The following PHF2 variants were observed in gnomAD, a reference collection of about 807,000 sequenced individuals.
The protein encoded by PHF2 is PHD finger protein 2, also known as lysine-specific demethylase PHF2.
In PHF2, 27 loss-of-function variants were observed where a neutral mutation model predicts 120.5. The observed-to-expected ratio is 0.22, with a 90% CI of 0.17 to 0.31. The LOEUF (loss-of-function observed/expected upper bound fraction) is 0.31. Among genes scored for constraint, PHF2 ranks in the 10% least tolerant of loss-of-function variants. The probability of loss-of-function intolerance (pLI) is 1.00; values close to 1 mark genes in which losing one functional copy is unlikely to be tolerated. For missense variants in PHF2, 1,024 were observed against 1,434.8 expected, an observed-to-expected ratio of 0.71 and a Z score of 4.63; for synonymous variants, 568 against 592.5, an observed-to-expected ratio of 0.96 and a Z score of 0.60.
intron 1 of PHF2, among the ~76,000 whole-genome samples, chr9:93,621,323 G>A (rs10821183): frequency 0.86 from 131,487 of 152,232 alleles, 57,137 homozygotes; most frequent in East Asian, 1. Flanking sequence ...TCTTTTGGGC[G>A]GCAGAAGGAC....
chr9:93,588,860 C>T (rs1863115913), intron 1 of PHF2, among the ~76,000 whole-genome samples: 1 of 152,182 alleles, frequency 6.6e-6, no homozygotes, highest in South Asian at 2.1e-4. Flanking sequence ...CACTGCACTC[C>T]AGCCTGGGCA....
intron 1 of PHF2, among the ~76,000 whole-genome samples, chr9:93,616,631 T>A (rs1825733650): frequency 6.6e-6 from 1 of 150,678 alleles, no homozygotes; most frequent in Admixed American, 6.7e-5. Flanking sequence ...TTCTTTTTTT[T>A]ATTTGATGTT....
At chr9:93,590,615 A>G (rs553852719) in intron 1 of PHF2, among the ~76,000 whole-genome samples, 1 of 152,362 alleles carries the variant, frequency 6.6e-6, no homozygotes, top group South Asian at 2.1e-4. Flanking sequence ...TTTACAGAAA[A>G]GTTGTAAACA....
At chr9:93,666,948 A>T (rs1397849941) in intron 16 of PHF2, 132 bp from the exon 17 acceptor site, 3 of 468,066 alleles carry the variant, frequency 6.4e-6, no homozygotes, top group Non-Finnish European at 1.0e-5. Flanking sequence ...AAATAAAAAT[A>T]AAAATAAAAT....
intron 1 of PHF2, 28 bp downstream of exon 1, chr9:93,576,899 GC>G: frequency 1.1e-6 from 1 of 882,174 alleles, no homozygotes; most frequent in South Asian, 2.8e-5. Flanking sequence ...GCTCGGCTCG[GC>G]CCGGCCCGGC....
intron 2 of PHF2, among the ~76,000 whole-genome samples, chr9:93,633,740 G>GTACA (rs1826045694): frequency 6.6e-6 from 1 of 152,212 alleles, no homozygotes; most frequent in African/African-American, 2.4e-5. Flanking sequence ...GGGGGCCCCT[G>GTACA]GCCTCAGTGA....
chr9:93,620,080 C>G (rs1315201476), intron 1 of PHF2, among the ~76,000 whole-genome samples: 1 of 152,210 alleles, frequency 6.6e-6, no homozygotes, highest in Non-Finnish European at 1.5e-5. Flanking sequence ...CACCTGACCA[C>G]AAGCAGCCTG....
intron 1 of PHF2, among the ~76,000 whole-genome samples, chr9:93,619,834 T>C (rs1227895350): frequency 2.0e-5 from 3 of 151,924 alleles, no homozygotes; most frequent in Admixed American, 2.0e-4. Context: ...ACTTTGCCTT[T>C]TTGTTGATGT....
rs746008048 is a variant in PHF2, at chr9:93,645,817, T to A, written c.460+28T>A. ...AAGCGCCATCCCCTTCACAGTGCTC[T>A]GGGGCTGGAGCTGGGAGTGCTGGGA... is the stretch of plus-strand genomic sequence containing the variant. On this transcript the variant is annotated intron_variant, in intron 4 of 21. Transcript: ENST00000359246. 6 of 1,543,398 alleles carry A rather than the reference T, an allele frequency of 3.9e-6. No homozygotes were observed. The African/African-American group carries it at 6.8e-5, about 18-fold the overall frequency.
rs115308108 is a variant in PHF2, at chr9:93,592,918, C to T, written c.98+16047C>T. ...TCATAGCCCCAGACTCCCTCTCCAA[C>T]TGGAGGACCACAGCTCTGTCCTAAT... On this transcript the variant is annotated intron_variant, in intron 1 of 21. Coordinates refer to ENST00000359246, the MANE Select transcript of PHF2 (RefSeq NM_005392.4). Among the ~76,000 whole-genome samples, 345 of 152,194 alleles carry T rather than the reference C, an allele frequency of 2.3e-3. 2 individuals carry two copies. Among genetic ancestry groups the T allele is most frequent in the African/African-American group, 7.9e-3 (330 of 41,510 alleles).
intron 10 of PHF2, 22 bp downstream of exon 10, chr9:93,658,258 C>T (rs1340246777): frequency 1.3e-6 from 2 of 1,585,946 alleles, no homozygotes; most frequent in Non-Finnish European, 1.7e-6. Flanking sequence ...GTCACAAATG[C>T]CCTAGGGCAG....
chr9:93,651,458 C>T (rs1195216985), intron 5 of PHF2, among the ~76,000 whole-genome samples: 2 of 152,192 alleles, frequency 1.3e-5, no homozygotes, highest in African/African-American at 4.8e-5. Context: ...AGAGCCTTCA[C>T]ATGGGCTTGG....
intron 17 of PHF2, among the ~76,000 whole-genome samples, chr9:93,669,281 G>A (rs1019502001): frequency 6.6e-6 from 1 of 152,212 alleles, no homozygotes; most frequent in African/African-American, 2.4e-5. Flanking sequence ...GGCAGGGCCT[G>A]CCAGAGGATG....
chr9:93,663,071 G>A (rs948701199), intron 13 of PHF2, 45 bp downstream of exon 13: 4 of 1,611,766 alleles, frequency 2.5e-6, no homozygotes, highest in African/African-American at 1.3e-5. Context: ...TGTCAGCTTG[G>A]TGAGTGTGAG....
chr9:93,624,173 G>A (rs1206920396), intron 1 of PHF2, among the ~76,000 whole-genome samples: 2 of 152,222 alleles, frequency 1.3e-5, no homozygotes, highest in African/African-American at 4.8e-5. Flanking sequence ...TTGCAGGGTT[G>A]TTGGAAAATA....
At chr9:93,586,004 G>T (rs554181885) in intron 1 of PHF2, among the ~76,000 whole-genome samples, 1 of 152,334 alleles carries the variant, frequency 6.6e-6, no homozygotes, top group East Asian at 1.9e-4. Flanking sequence ...TGATTTAGGG[G>T]TTTAGGCCCA....
chr9:93,625,965 G>A (rs1163683685), intron 1 of PHF2, among the ~76,000 whole-genome samples: 7 of 151,970 alleles, frequency 4.6e-5, no homozygotes, highest in South Asian at 2.1e-4. Flanking sequence ...AAAATTGGCC[G>A]GGCGCGGTGG....
At chr9:93,645,425 G>A (rs1434577024) in intron 3 of PHF2, among the ~76,000 whole-genome samples, 1 of 152,216 alleles carries the variant, frequency 6.6e-6, no homozygotes, top group Non-Finnish European at 1.5e-5. Context: ...CCCCCAAACA[G>A]TGGGGTTCTG....
At chr9:93,599,969 G>A (rs10821172) in intron 1 of PHF2, among the ~76,000 whole-genome samples, 47,388 of 152,186 alleles carry the variant, frequency 0.31, 8,168 homozygotes, top group South Asian at 0.61. Context: ...CGGCCCTCAT[G>A]CTGCCCAGGA....
Sources: gnomAD v4.1 joint callset for allele counts (sites outside exome capture counted in the v4.1 genomes callset) on GRCh38, gnomAD v4.1.1 for gene constraint, MANE v1.5 for transcripts, NCBI Gene and HGNC (gene_info 2026-07-23, HGNC 2026-07-21) for gene names.